NEGR1: variants seen among roughly 807,000 people sequenced by gnomAD.
The protein encoded by NEGR1 is neuronal growth regulator 1, also known as IgLON family member 4.
In NEGR1, 10 loss-of-function variants were observed where a neutral mutation model predicts 40.9. That is an observed-to-expected ratio of 0.24 (90% CI 0.15 to 0.42). The LOEUF (loss-of-function observed/expected upper bound fraction) is 0.42, where lower values mean the gene tolerates loss of function less well. Ranked by LOEUF, NEGR1 falls within the 10% of genes least tolerant of loss-of-function variation. The pLI, the probability that NEGR1 is intolerant of heterozygous loss-of-function variation, is 1.00. For missense variants in NEGR1, 352 were observed against 438.9 expected (o/e 0.80, Z 1.77); for synonymous variants, 185 against 166.8 (o/e 1.11, Z -0.84).
chr1:71,806,620 A>C (rs1267389342), intron 2 of NEGR1, among the ~76,000 whole-genome samples: 1 of 152,146 alleles, frequency 6.6e-6, no homozygotes, highest in African/African-American at 2.4e-5. Context: ...CTAATGAAGA[A>C]ATTATTATTT....
Position 71,715,505 on chromosome 1 carries a change from G to T in NEGR1, c.536-17366C>A, listed in dbSNP as rs142664215. ...TGCTCTGCTTCCCTTTTAAACATAA[G>T]TTCCAATTCCAAACCATCTCTTTGT... is the stretch of plus-strand genomic sequence containing the variant. On this transcript the variant is annotated intron_variant, in intron 3 of 6. Coordinates refer to ENST00000357731, the MANE Select transcript of NEGR1 (RefSeq NM_173808.3). Among the ~76,000 whole-genome samples, 46 of 152,190 alleles carry T rather than the reference G, an allele frequency of 3.0e-4. No homozygotes were observed. The Middle Eastern group carries it at 0.017, about 56-fold the overall frequency.
intron 3 of NEGR1, among the ~76,000 whole-genome samples, chr1:71,758,189 C>A (rs904373957): frequency 6.6e-6 from 1 of 151,858 alleles, no homozygotes; most frequent in Non-Finnish European, 1.5e-5. Flanking sequence ...TATAATATTG[C>A]CTTTTCAATA....
intron 4 of NEGR1, among the ~76,000 whole-genome samples, chr1:71,686,965 C>A (rs1653060561): frequency 6.6e-6 from 1 of 152,134 alleles, no homozygotes; most frequent in Admixed American, 6.5e-5. Flanking sequence ...CAGCTAATTA[C>A]TGATATACTT....
chr1:71,948,362 T>C (rs1363880422), intron 1 of NEGR1, among the ~76,000 whole-genome samples: 1 of 151,946 alleles, frequency 6.6e-6, no homozygotes, highest in Non-Finnish European at 1.5e-5. Flanking sequence ...TTTTTAAATA[T>C]GTGTTTGTAG....
At chr1:71,987,884 C>T (rs1446883215) in intron 1 of NEGR1, among the ~76,000 whole-genome samples, 4 of 152,176 alleles carry the variant, frequency 2.6e-5, no homozygotes, top group East Asian at 3.9e-4. Context: ...GTAAACCAAT[C>T]AGCTTTGACA....
chr1:71,671,893 C>CTTTTTTTTTTTTTTTTTTTTTTTTTTT (rs10708807), intron 4 of NEGR1, among the ~76,000 whole-genome samples: 1 of 121,582 alleles, frequency 8.2e-6, no homozygotes, highest in African/African-American at 2.9e-5. Context: ...CTCTCTCTCT[C>CTTTTTTTTTTTTTTTTTTTTTTTTTTT]TTTTTTTTTT....
chr1:72,082,440 A>G (rs1183578379), intron 1 of NEGR1, among the ~76,000 whole-genome samples: 2 of 152,154 alleles, frequency 1.3e-5, no homozygotes, highest in African/African-American at 2.4e-5. Context: ...TTGTGGTCAT[A>G]TAAGAATCCA....
At chr1:71,663,901 G>C (rs902982017) in intron 4 of NEGR1, among the ~76,000 whole-genome samples, 1 of 152,166 alleles carries the variant, frequency 6.6e-6, no homozygotes, top group African/African-American at 2.4e-5. Flanking sequence ...TGAAAAGGTA[G>C]CTGTCTCTAT....
intron 2 of NEGR1, among the ~76,000 whole-genome samples, chr1:71,925,691 C>A (rs960868755): frequency 6.6e-6 from 1 of 151,166 alleles, no homozygotes; most frequent in African/African-American, 2.4e-5. Flanking sequence ...TTCCTAATTG[C>A]CTTTATAGTG....
intron 2 of NEGR1, among the ~76,000 whole-genome samples, chr1:71,856,750 G>A (rs185503548): frequency 2.6e-4 from 39 of 152,030 alleles, no homozygotes; most frequent in Admixed American, 2.0e-3. Flanking sequence ...CCCCAAGTTC[G>A]AGCTCAAATT....
At chr1:72,036,398 A>G (rs1416979479) in intron 1 of NEGR1, among the ~76,000 whole-genome samples, 1 of 152,058 alleles carries the variant, frequency 6.6e-6, no homozygotes, top group Non-Finnish European at 1.5e-5. Context: ...GCTCACACCC[A>G]TAATCCCAGC....
chr1:71,726,829 G>A lies in NEGR1; in HGVS notation c.536-28690C>T, dbSNP rs1310581473. 5.9e-5 allele frequency among the ~76,000 whole-genome samples: 9 copies of A among 151,914 alleles called. No individual in the cohort carries two copies. The East Asian group carries it at 1.7e-3, about 30-fold the overall frequency. On this transcript the variant is annotated intron_variant, in intron 3 of 6. Transcript: ENST00000357731. Reference sequence around the variant, plus strand: ...AGTAGAGTCAGCCTATCCTAACTACGAAGAGCAGTTCCTCCCAATACATAC... The same window carrying A: ...AGTAGAGTCAGCCTATCCTAACTACAAAGAGCAGTTCCTCCCAATACATAC...
chr1:71,831,406 T>G (rs1658835808), intron 2 of NEGR1, among the ~76,000 whole-genome samples: 1 of 152,024 alleles, frequency 6.6e-6, no homozygotes. Context: ...ACTCATTATA[T>G]TCCTCATCTT....
At chr1:72,092,780 G>T (rs1021615248) in intron 1 of NEGR1, among the ~76,000 whole-genome samples, 1 of 151,808 alleles carries the variant, frequency 6.6e-6, no homozygotes, top group Non-Finnish European at 1.5e-5. Flanking sequence ...CCTCCCAAGT[G>T]TCTGGGACTA....
chr1:71,994,294 C>G (rs1185801281), intron 1 of NEGR1, among the ~76,000 whole-genome samples: 3 of 151,962 alleles, frequency 2.0e-5, no homozygotes, highest in African/African-American at 7.3e-5. Context: ...TTTGGGAGGC[C>G]GAGGCGGGTG....
At chr1:71,563,724 TTGCC>T (rs1648531787) in intron 6 of NEGR1, among the ~76,000 whole-genome samples, 1 of 151,996 alleles carries the variant, frequency 6.6e-6, no homozygotes, top group Non-Finnish European at 1.5e-5. Flanking sequence ...ACTGGGAATC[TTGCC>T]TTTCTAGTGT....
At chr1:72,273,613 C>A (rs947537689) in intron 1 of NEGR1, among the ~76,000 whole-genome samples, 11 of 151,882 alleles carry the variant, frequency 7.2e-5, no homozygotes, top group African/African-American at 2.7e-4. Context: ...CAAGTACACA[C>A]AAAATAGAAG....
rs570771056 is a variant in NEGR1 at position 71,592,062 on chromosome 1, T to C, written c.940+755A>G. On this transcript the variant is annotated intron_variant, in intron 6 of 6. Coordinates refer to ENST00000357731, the MANE Select transcript of NEGR1 (RefSeq NM_173808.3). Reference sequence around the variant, plus strand: ...GACAGTATACTCTCTCTAGTCTTCTTTGAACATTTTGAGAAACATTTGATT... The same window carrying C: ...GACAGTATACTCTCTCTAGTCTTCTCTGAACATTTTGAGAAACATTTGATT... Among the ~76,000 whole-genome samples the C allele has an allele frequency of 7.2e-5, 11 of 152,220 alleles. No homozygotes were observed. The South Asian group carries it at 2.3e-3, about 32-fold the overall frequency.
intron 6 of NEGR1, among the ~76,000 whole-genome samples, chr1:71,449,653 C>T (rs1329861909): frequency 6.6e-6 from 1 of 152,128 alleles, no homozygotes; most frequent in African/African-American, 2.4e-5. Context: ...AAGTTTATAA[C>T]AGAATTCCAT....
Sources: gnomAD v4.1 joint callset for allele counts (sites outside exome capture counted in the v4.1 genomes callset) on GRCh38, gnomAD v4.1.1 for gene constraint, MANE v1.5 for transcripts, NCBI Gene and HGNC (gene_info 2026-07-23, HGNC 2026-07-21) for gene names.